SMIM31: variants seen among roughly 807,000 people sequenced by gnomAD.
SMIM31 encodes human epithelial cell program regulator.
In SMIM31 at chr4:164,770,511, T is replaced by C. The variant is rs1219342740; in HGVS notation, c.68T>C (p.Phe23Ser). The C allele has an allele frequency of 1.3e-5, 5 of 398,474 alleles. No individual in the cohort carries two copies. The highest frequency in any genetic ancestry group is 2.2e-5 in the Non-Finnish European group (5 of 225,938). The allele number at this position is 398,474 out of a possible 1,614,324, so 24.7% of individuals were successfully genotyped here. A position where few individuals can be genotyped will look rare whatever the true frequency, so the allele number is the denominator to read the frequency against. ...ILLAFVIFSLFTLASIYTTPD... is the reference protein window; with the variant it reads ...ILLAFVIFSLSTLASIYTTPD... ...TTGGCTTTTGTTATCTTTTCCTTAT[T>C]TACCCTGGCTTCCATCTACACTACT... Residue 23 changes from phenylalanine to serine, a missense_variant, in exon 2 of 3, where the codon TTT becomes TCT. Coordinates refer to ENST00000507311, the MANE Select transcript of SMIM31 (RefSeq NM_001352885.1).
intron 2 of SMIM31, among the ~76,000 whole-genome samples, chr4:164,783,560 T>C (rs1287256663): frequency 7.2e-6 from 1 of 139,654 alleles, no homozygotes; most frequent in Non-Finnish European, 1.5e-5. Flanking sequence ...GAATTTCCAT[T>C]CCATTTCTAA....
chr4:164,792,479 T>G (rs1733114936), intron 2 of SMIM31, among the ~76,000 whole-genome samples: 1 of 152,174 alleles, frequency 6.6e-6, no homozygotes, highest in African/African-American at 2.4e-5. Context: ...TACATGAGAT[T>G]TGAGGAAAGG....
chr4:164,768,852 C>A (rs1732756337), intron 1 of SMIM31, among the ~76,000 whole-genome samples: 1 of 152,222 alleles, frequency 6.6e-6, no homozygotes, highest in South Asian at 2.1e-4. Context: ...TCTGAAGAAG[C>A]AGAAGCTTGA....
chr4:164,769,428 G>A (rs1399067569), intron 1 of SMIM31, among the ~76,000 whole-genome samples: 3 of 151,480 alleles, frequency 2.0e-5, no homozygotes, highest in Admixed American at 1.3e-4. Context: ...AAAATGATGA[G>A]TTCATGTCCT....
At chr4:164,764,722 A>G (rs1260526549) in intron 1 of SMIM31, among the ~76,000 whole-genome samples, 1 of 152,220 alleles carries the variant, frequency 6.6e-6, no homozygotes, top group East Asian at 1.9e-4. Flanking sequence ...GGGACAAAGG[A>G]CACAGAATTA....
intron 1 of SMIM31, among the ~76,000 whole-genome samples, chr4:164,769,736 A>G (rs1309504463): frequency 2.9e-5 from 3 of 105,104 alleles, no homozygotes; most frequent in Admixed American, 1.1e-4. Flanking sequence ...CCTAAAACTT[A>G]AAGTATAAAA....
intron 2 of SMIM31, among the ~76,000 whole-genome samples, chr4:164,788,478 C>CTTTTTCTTTTTTTTT (rs1733056135): frequency 3.4e-5 from 2 of 58,162 alleles, no homozygotes; most frequent in African/African-American, 1.4e-4. Flanking sequence ...TCTAATTTTT[C>CTTTTTCTTTTTTTTT]TTTTTTTTTT....
intron 1 of SMIM31, among the ~76,000 whole-genome samples, chr4:164,767,301 A>T (rs966188612): frequency 6.6e-6 from 1 of 152,240 alleles, no homozygotes; most frequent in African/African-American, 2.4e-5. Context: ...TGACATATCA[A>T]GGTAACCAGG....
chr4:164,770,175 C>T (rs12331505), intron 1 of SMIM31, among the ~76,000 whole-genome samples: 86,213 of 152,000 alleles, frequency 0.57, 24,702 homozygotes, highest in Admixed American at 0.63. Context: ...TAAAGGTAAA[C>T]TGACTCTACC....
Position 164,785,648 on chromosome 4 carries a change from G to GTA in SMIM31, c.112+15094_112+15095insAT, listed in dbSNP as rs1178642571. 1.8e-3 allele frequency among the ~76,000 whole-genome samples: 264 copies of GTA among 150,726 alleles called. 1 individual carries two copies. The highest frequency in any genetic ancestry group is 5.8e-3 in the African/African-American group (240 of 41,122). The stretch of plus-strand genomic sequence containing the variant: ...ATCTTTAAACTTATTGTGTGTGTGT[G>GTA]TGTATATATATATATATATCTTTAA... On this transcript the variant is annotated intron_variant, in intron 2 of 2. Coordinates refer to ENST00000507311, the MANE Select transcript of SMIM31 (RefSeq NM_001352885.1).
Position 164,770,518 on chromosome 4 carries a change from G to GGCTTCCATCTACACTACTCCGGAT in SMIM31, c.77_100dup (p.Ala26_Asp33dup). 1 of 398,470 alleles carries GGCTTCCATCTACACTACTCCGGAT rather than the reference G, an allele frequency of 2.5e-6. No individual in the cohort carries two copies. 24.7% of individuals were successfully genotyped at this position (398,470 alleles called of 1,614,324 possible). A position where few individuals can be genotyped will look rare whatever the true frequency, so the allele number is the denominator to read the frequency against. On this transcript the variant is annotated inframe_insertion, in exon 2 of 3. Transcript: ENST00000507311. ...TTGTTATCTTTTCCTTATTTACCCT[G>GGCTTCCATCTACACTACTCCGGAT]GCTTCCATCTACACTACTCCGGATG...
rs139783257 is a variant in SMIM31, at chr4:164,759,458, A to G, written c.-26+5047A>G. On this transcript the variant is annotated intron_variant, in intron 1 of 2. Coordinates refer to ENST00000507311, the MANE Select transcript of SMIM31 (RefSeq NM_001352885.1). Reference sequence around the variant, plus strand: ...ATTTAATCCTCACAACAACCCTGAGAATAGATATTATTCTTATGTCAAAAA... The same window carrying G: ...ATTTAATCCTCACAACAACCCTGAGGATAGATATTATTCTTATGTCAAAAA... Among the ~76,000 whole-genome samples, 779 of 152,316 alleles carry G rather than the reference A, an allele frequency of 5.1e-3. 5 individuals are homozygous for G. The highest frequency in any genetic ancestry group is 0.017 in the African/African-American group (718 of 41,570).
chr4:164,778,323 GATTAAAAAAAAAA>G (rs938324809), intron 2 of SMIM31, among the ~76,000 whole-genome samples: 8 of 133,198 alleles, frequency 6.0e-5, no homozygotes, highest in African/African-American at 2.0e-4. Context: ...CAGGTAAACA[GATTAAAAAAAAAA>G]ATTTTATTTT....
At chr4:164,762,324 A>G (rs114785696) in intron 1 of SMIM31, among the ~76,000 whole-genome samples, 1,526 of 152,350 alleles carry the variant, frequency 0.01, 30 homozygotes, top group African/African-American at 0.034. Context: ...ATTGGGAATA[A>G]GGTATAATGT....
intron 2 of SMIM31, among the ~76,000 whole-genome samples, chr4:164,775,065 T>C (rs1194605989): frequency 6.6e-6 from 1 of 152,216 alleles, no homozygotes; most frequent in Non-Finnish European, 1.5e-5. Flanking sequence ...ACTGACAACA[T>C]CGAACTTTAT....
chr4:164,798,381 C>T (rs184096722), intron 2 of SMIM31, among the ~76,000 whole-genome samples: 2 of 151,772 alleles, frequency 1.3e-5, no homozygotes, highest in African/African-American at 4.8e-5. Flanking sequence ...CTACAGGCGC[C>T]CACCACCATG....
At chr4:164,791,843 C>A (rs1733105529) in intron 2 of SMIM31, among the ~76,000 whole-genome samples, 1 of 152,114 alleles carries the variant, frequency 6.6e-6, no homozygotes, top group African/African-American at 2.4e-5. Flanking sequence ...CATCCTTCAA[C>A]CCCTCCCACA....
At chr4:164,794,608 C>A (rs1259194263) in intron 2 of SMIM31, among the ~76,000 whole-genome samples, 2 of 151,968 alleles carry the variant, frequency 1.3e-5, no homozygotes, top group African/African-American at 4.8e-5. Flanking sequence ...AGATCAAGAC[C>A]ATCCTGGCCA....
intron 2 of SMIM31, among the ~76,000 whole-genome samples, chr4:164,771,576 C>T (rs1329582512): frequency 4.0e-5 from 6 of 151,550 alleles, no homozygotes; most frequent in East Asian, 3.9e-4. Context: ...CCGAGGCAGG[C>T]GGATCACGAG....
Sources: gnomAD v4.1 joint callset for allele counts (sites outside exome capture counted in the v4.1 genomes callset) on GRCh38, gnomAD v4.1.1 for gene constraint, MANE v1.5 for transcripts, NCBI Gene and HGNC (gene_info 2026-07-23, HGNC 2026-07-21) for gene names.